The following TNKS variants were observed in gnomAD, a reference collection of about 807,000 sequenced individuals.
TNKS encodes the protein poly [ADP-ribose] polymerase tankyrase-1.
A neutral mutation model predicts 135.8 loss-of-function variants in TNKS; 72 were observed. The ratio of observed to expected loss-of-function variants is 0.53; its 90% CI spans 0.44 to 0.64. The LOEUF is 0.64. TNKS is among the 30% of genes least tolerant of loss of function. The probability of loss-of-function intolerance (pLI) is 0.00; values close to 1 mark genes in which losing one functional copy is unlikely to be tolerated. For missense variants in TNKS, 1,769 were observed against 1,674.0 expected (o/e 1.06, Z -0.99); for synonymous variants, 849 against 649.3 (o/e 1.31, Z -4.68).
At chr8:9,684,545 A>G (rs1802908359) in intron 5 of TNKS, among the ~76,000 whole-genome samples, 1 of 152,114 alleles carries the variant, frequency 6.6e-6, no homozygotes, top group African/African-American at 2.4e-5. Context: ...GGCAATAGGT[A>G]GGGGTTAGGG....
At position 9,765,766 on chromosome 8, in the gene TNKS, C is replaced by T. The variant is rs1387351811; in HGVS notation, c.3522C>T (p.His1174=). 21 of 1,613,828 alleles carry T rather than the reference C, an allele frequency of 1.3e-5. No individual in the cohort carries two copies. Among genetic ancestry groups the T allele is most frequent in the African/African-American group, 5.3e-5 (4 of 74,914 alleles). ...HRQKEVSEEN[H]NHHNERMLFH... is the part of the protein sequence containing the mutation. Reference sequence around the variant, plus strand: ...AGAAGGAAGTGTCTGAGGAGAATCACAACCATCACAATGAGCGCATGTTGT... The same window carrying T: ...AGAAGGAAGTGTCTGAGGAGAATCATAACCATCACAATGAGCGCATGTTGT... The change falls in exon 24 of 27, where the codon CAC becomes CAT. Residue 1174 remains histidine, a synonymous_variant. Transcript: ENST00000310430.
chr8:9,700,451 G>C (rs541126088), intron 5 of TNKS, among the ~76,000 whole-genome samples: 2 of 152,310 alleles, frequency 1.3e-5, no homozygotes, highest in African/African-American at 2.4e-5. Context: ...GTGATGACCA[G>C]ATTTTTGTTT....
At chr8:9,642,236 C>T (rs1800756649) in intron 3 of TNKS, among the ~76,000 whole-genome samples, 1 of 146,320 alleles carries the variant, frequency 6.8e-6, no homozygotes, top group African/African-American at 2.5e-5. Context: ...CACATTTACT[C>T]AAAATGAATG....
rs1585263175 is a variant in TNKS at position 9,638,811 on chromosome 8, G to GC, written c.994+23134_994+23135insC. ...AGGAGACTGGTATCTTATTTATAAT[G>GC]GAAAAAAAATAGGATGAGGATGAAT... On this transcript the variant is annotated intron_variant, in intron 3 of 26. Coordinates refer to ENST00000310430, the MANE Select transcript of TNKS (RefSeq NM_003747.3). Among the ~76,000 whole-genome samples, 4 of 152,050 alleles carry GC rather than the reference G, an allele frequency of 2.6e-5. No homozygotes were observed. The East Asian group carries it at 7.7e-4, about 29-fold the overall frequency.
At chr8:9,701,157 T>C (rs1389596455) in intron 5 of TNKS, among the ~76,000 whole-genome samples, 1 of 152,144 alleles carries the variant, frequency 6.6e-6, no homozygotes, top group Non-Finnish European at 1.5e-5. Context: ...CAGGATGGTC[T>C]CGATCTCCTG....
chr8:9,665,848 A>G (rs1313290658), intron 3 of TNKS, among the ~76,000 whole-genome samples: 1 of 152,176 alleles, frequency 6.6e-6, no homozygotes, highest in South Asian at 2.1e-4. Flanking sequence ...ATGTTGCCTT[A>G]TGAGTCTCTA....
At chr8:9,574,516 A>G (rs1483805679) in intron 1 of TNKS, among the ~76,000 whole-genome samples, 9 of 152,190 alleles carry the variant, frequency 5.9e-5, no homozygotes, top group Middle Eastern at 3.2e-3. Flanking sequence ...TGTTTTTCAC[A>G]TAGCTGACAG....
At chr8:9,726,094 T>G (rs958694169) in intron 12 of TNKS, among the ~76,000 whole-genome samples, 31 of 152,112 alleles carry the variant, frequency 2.0e-4, no homozygotes, top group African/African-American at 7.2e-4. Context: ...ACATTGAGAC[T>G]AAAAGAAAAA....
chr8:9,565,896 C>T (rs1290501282), intron 1 of TNKS, among the ~76,000 whole-genome samples: 2 of 151,960 alleles, frequency 1.3e-5, no homozygotes, highest in South Asian at 2.1e-4. Flanking sequence ...ATAAACTAAA[C>T]TCCCTGATGC....
intron 1 of TNKS, among the ~76,000 whole-genome samples, chr8:9,572,555 G>A (rs532676462): frequency 9.2e-5 from 14 of 151,790 alleles, no homozygotes; most frequent in African/African-American, 3.4e-4. Context: ...TCCTAGTTTC[G>A]GGACTATCAC....
At chr8:9,557,472 GAACTGTAAAATAAA>G (rs1201373370) in intron 1 of TNKS, 4 of 149,946 alleles carry the variant, frequency 2.7e-5, no homozygotes, top group Non-Finnish European at 5.9e-5. Context: ...AAAATAAAGA[GAACTGTAAAATAAA>G]AACAAAGGAC....
chr8:9,776,100 G>A (rs892890846), intron 26 of TNKS, among the ~76,000 whole-genome samples: 7 of 151,970 alleles, frequency 4.6e-5, no homozygotes, highest in Admixed American at 2.0e-4. Context: ...AGTCTAAATC[G>A]GAGCCCTTAT....
intron 17 of TNKS, among the ~76,000 whole-genome samples, chr8:9,738,961 C>G (rs540365971): frequency 6.6e-6 from 1 of 151,680 alleles, no homozygotes; most frequent in Non-Finnish European, 1.5e-5. Flanking sequence ...TCCTTGTTGA[C>G]TTTCTGTCTC....
intron 3 of TNKS, among the ~76,000 whole-genome samples, chr8:9,652,167 G>C (rs186880593): frequency 1.5e-3 from 221 of 152,300 alleles, no homozygotes; most frequent in African/African-American, 5.1e-3. Context: ...AGAATATTAA[G>C]AACTATCAGA....
intron 3 of TNKS, among the ~76,000 whole-genome samples, chr8:9,666,229 A>G (rs1801981022): frequency 6.6e-6 from 1 of 152,192 alleles, no homozygotes; most frequent in Non-Finnish European, 1.5e-5. Context: ...AAATGGTAAT[A>G]TTGTGGATAT....
At chr8:9,718,924 C>T (rs1192178715) in intron 11 of TNKS, among the ~76,000 whole-genome samples, 4 of 152,150 alleles carry the variant, frequency 2.6e-5, no homozygotes, top group African/African-American at 9.7e-5. Context: ...TGGGAGTTCC[C>T]ATTACTATAA....
chr8:9,636,711 G>A (rs1427455909), intron 3 of TNKS, among the ~76,000 whole-genome samples: 2 of 152,144 alleles, frequency 1.3e-5, no homozygotes, highest in African/African-American at 4.8e-5. Context: ...TCCATAAGAT[G>A]ACAATAGATT....
At chr8:9,577,728 A>T (rs565970515) in intron 1 of TNKS, among the ~76,000 whole-genome samples, 1 of 152,218 alleles carries the variant, frequency 6.6e-6, no homozygotes, top group Non-Finnish European at 1.5e-5. Flanking sequence ...TCCAAACCAA[A>T]TTTTTTGGTC....
At chr8:9,625,807 A>C (rs192214723) in intron 3 of TNKS, among the ~76,000 whole-genome samples, 2 of 152,290 alleles carry the variant, frequency 1.3e-5, no homozygotes, top group East Asian at 1.9e-4. Context: ...AGGTAGGACA[A>C]AGTTCATGGC....
Sources: gnomAD v4.1 joint callset for allele counts (sites outside exome capture counted in the v4.1 genomes callset) on GRCh38, gnomAD v4.1.1 for gene constraint, MANE v1.5 for transcripts, NCBI Gene and HGNC (gene_info 2026-07-23, HGNC 2026-07-21) for gene names.